LRP1: variants seen among roughly 807,000 people sequenced by gnomAD.
The protein encoded by LRP1 is LDL receptor related protein 1.
LRP1 carries 51 observed loss-of-function variants against 541.5 expected under a neutral mutation model. That is an observed-to-expected ratio of 0.09 (90% CI 0.08 to 0.12). LRP1 has a LOEUF of 0.12. LRP1 is among the 10% of genes least tolerant of loss of function. LRP1 has a pLI of 1.00. For synonymous variants in LRP1, 2,219 were observed against 2,470.8 expected, an observed-to-expected ratio of 0.90 and a Z score of 3.02; for missense variants, 3,878 against 6,376.2, an observed-to-expected ratio of 0.61 and a Z score of 13.34.
intron 1 of LRP1, among the ~76,000 whole-genome samples, chr12:57,134,785 A>C (rs549299396): frequency 2.6e-5 from 4 of 152,104 alleles, no homozygotes; most frequent in African/African-American, 9.6e-5. Context: ...GTTCACTGCA[A>C]GCTCCGCCTC....
At chr12:57,190,521 G>A (rs1174154691) in intron 42 of LRP1, among the ~76,000 whole-genome samples, 1 of 152,202 alleles carries the variant, frequency 6.6e-6, no homozygotes, top group Non-Finnish European at 1.5e-5. Context: ...TCACTTGGCT[G>A]CACCGGCTCT....
At chr12:57,129,123 A>AG in intron 1 of LRP1, 92 bp downstream of exon 1, 4 of 1,335,836 alleles carry the variant, frequency 3.0e-6, no homozygotes, top group Non-Finnish European at 3.1e-6. Context: ...GAGACGCGGG[A>AG]GGGGGTGCCT....
In LRP1 at chr12:57,199,544, G is replaced by A. The variant is rs2036604423; in HGVS notation, c.9865+144G>A. The A allele has an allele frequency of 6.4e-6, 6 of 932,054 alleles. No homozygotes were observed. The South Asian group carries it at 7.4e-5, about 11-fold the overall frequency. The allele number at this position is 932,054 out of a possible 1,614,324, so 57.7% of individuals were successfully genotyped here. ...TCCAGGAGGGTCTAGACAGGGGATG[G>A]TCTGGCTCCCGGGAGCTTCAGCCCG... On this transcript the variant is annotated intron_variant, in intron 61 of 88. Coordinates refer to ENST00000243077, the MANE Select transcript of LRP1 (RefSeq NM_002332.3).
intron 34 of LRP1, among the ~76,000 whole-genome samples, chr12:57,182,182 G>A (rs2036178297): frequency 6.6e-6 from 1 of 152,132 alleles, no homozygotes; most frequent in Non-Finnish European, 1.5e-5. Context: ...GGCAAGGGAG[G>A]ATTCTGAGGT....
At position 57,212,268 on chromosome 12, in the gene LRP1, T is replaced by C. The variant is rs1294688044; in HGVS notation, c.13494+7T>C. Reference sequence around the variant, plus strand: ...TGCCCTGGACCCTGACAAGGTGGGCTGGGAGGCGGGCAGGGTCGAGTGCCA... The same window carrying C: ...TGCCCTGGACCCTGACAAGGTGGGCCGGGAGGCGGGCAGGGTCGAGTGCCA... On this transcript the variant is annotated splice_region_variant and intron_variant, in intron 88 of 88. Coordinates refer to ENST00000243077, the MANE Select transcript of LRP1 (RefSeq NM_002332.3). This position sits in a 1 kb window ranked among gnomAD's most constrained non-coding sequence, Gnocchi z 5.0. 2.5e-6 allele frequency: 4 copies of C among 1,612,562 alleles called. No individual in the cohort carries two copies. Among genetic ancestry groups the C allele is most frequent in the African/African-American group, 1.3e-5 (1 of 74,902 alleles).
At position 57,179,787 on chromosome 12, in the gene LRP1, C is replaced by T. The variant is rs761255914; in HGVS notation, c.4972C>T (p.Pro1658Ser). The T allele has an allele frequency of 5.0e-6, 8 of 1,613,694 alleles. No homozygotes were observed. The highest frequency in any genetic ancestry group is 6.8e-6 in the Non-Finnish European group (8 of 1,179,808). ...CTCCCTACTTGTGCCCCCAGACTTG[C>T]CAAATGCCCACGGGCTGGCTGTGGA... ...GVETVVSADL[P>S]NAHGLAVDWV... Residue 1658 changes from proline to serine, a missense_variant, in exon 30 of 89, where the codon CCA becomes TCA. Coordinates refer to ENST00000243077, the MANE Select transcript of LRP1 (RefSeq NM_002332.3). This position sits in a 1 kb window ranked among gnomAD's most constrained non-coding sequence, Gnocchi z 6.8.
chr12:57,198,307 G>T lies in LRP1; in HGVS notation c.9434G>T (p.Arg3145Leu). 5 of 1,613,878 alleles carry T rather than the reference G, an allele frequency of 3.1e-6. No homozygotes were observed. The highest frequency in any genetic ancestry group is 4.2e-6 in the Non-Finnish European group (5 of 1,179,954). The change falls in exon 59 of 89, where the codon CGT (arginine) becomes CTT (leucine). Residue 3145 changes from arginine to leucine, a missense_variant. Physicochemically the swap from Arg to Leu is moderately radical, Grantham distance 102 (BLOSUM62 -2). This residue lies in a region of LRP1 where 1,100 missense variants were observed against 1,827.4 expected (regional missense o/e 0.60). Transcript: ENST00000243077. ...ACGGTGCTGGTCAGCTCTGGCCTCC[G>T]TGAGCCCAGGGCTCTGGTGGTGGAT... ...YRTVLVSSGL[R>L]EPRALVVDVQ...
At chr12:57,202,356 C>A in intron 67 of LRP1, 65 bp from the exon 68 acceptor site, 1 of 1,278,678 alleles carries the variant, frequency 7.8e-7, no homozygotes, top group Non-Finnish European at 1.1e-6. Context: ...CCTGACCATG[C>A]CTGCTTGGAC....
At chr12:57,169,956 C>T (rs1035660569) in intron 20 of LRP1, among the ~76,000 whole-genome samples, 1 of 152,196 alleles carries the variant, frequency 6.6e-6, no homozygotes, top group African/African-American at 2.4e-5. Context: ...TTTAACACTA[C>T]AGTATTAGTT....
chr12:57,169,362 A>C, intron 20 of LRP1, 55 bp downstream of exon 20: 1 of 1,488,278 alleles, frequency 6.7e-7, no homozygotes. Flanking sequence ...TGCATCAGAC[A>C]CCCAGCCTAT....
rs565160670 is a variant in LRP1 at position 57,197,457 on chromosome 12, G to A, written c.9162+73G>A. ...CACAGCCTCCCTTGCAAGTCTCCCC[G>A]CTTAGGTCCAACCATCCCTCCCCCA... On this transcript the variant is annotated intron_variant, in intron 57 of 88. Transcript: ENST00000243077. This position sits in a 1 kb window ranked among gnomAD's most constrained non-coding sequence, Gnocchi z 4.5. The A allele has an allele frequency of 5.3e-5, 85 of 1,611,210 alleles. No homozygotes were observed. The East Asian group carries it at 9.4e-4, about 18-fold the overall frequency.
At position 57,211,165 on chromosome 12, in the gene LRP1, C is replaced by A; in HGVS notation, c.12917-11C>A. On this transcript the variant is annotated splice_polypyrimidine_tract_variant and intron_variant, in intron 83 of 88. Transcript: ENST00000243077. The surrounding 1 kb of genome is among the most constrained non-coding windows in gnomAD (Gnocchi z 4.3). ...GGGGCTTGAGGCACTTCTCTCCCTC[C>A]CCAACCACAGGGCAGTGCTCTGGCT... The A allele has an allele frequency of 6.2e-7, 1 of 1,613,000 alleles. No individual in the cohort carries two copies. Among genetic ancestry groups the A allele is most frequent in the Non-Finnish European group, 8.5e-7 (1 of 1,179,138 alleles).
At chr12:57,181,086 G>A (rs1032973118) in intron 33 of LRP1, 71 bp from the exon 34 acceptor site, 98 of 1,564,100 alleles carry the variant, frequency 6.3e-5, no homozygotes, top group Non-Finnish European at 8.2e-5. Flanking sequence ...TTTCTGAGCA[G>A]CCCAAGCCTG....
chr12:57,128,655 C>CTGCAGCCGGA lies in LRP1; in HGVS notation c.-310_-309insTGCAGCCGGA, dbSNP rs1455945290. The stretch of plus-strand genomic sequence containing the variant: ...AATTGTGCATTTTTGCAGCCGGAGG[C>CTGCAGCCGGA]GGCTCCGAGATGGGGCTGTGAGCTT... On this transcript the variant is annotated 5_prime_UTR_variant, in exon 1 of 89. Coordinates refer to ENST00000243077, the MANE Select transcript of LRP1 (RefSeq NM_002332.3). 2.4e-6 allele frequency: 1 copy of CTGCAGCCGGA among 409,324 alleles called. No homozygotes were observed. The highest frequency in any genetic ancestry group is 2.0e-5 in the African/African-American group (1 of 48,878). The allele number at this position is 409,324 out of a possible 1,614,324, so 25.4% of individuals were successfully genotyped here.
chr12:57,178,263 G>C lies in LRP1; in HGVS notation c.4362-96G>C. 1.4e-6 allele frequency: 2 copies of C among 1,432,206 alleles called. No homozygotes were observed. Among genetic ancestry groups the C allele is most frequent in the Non-Finnish European group, 1.9e-6 (2 of 1,046,824 alleles). The allele number at this position is 1,432,206 out of a possible 1,614,324, so 88.7% of individuals were successfully genotyped here. On this transcript the variant is annotated intron_variant, in intron 26 of 88. Transcript: ENST00000243077. This position sits in a 1 kb window ranked among gnomAD's most constrained non-coding sequence, Gnocchi z 5.8. ...AATGGTCCCATGCTCTTCGCTGGGAGGGCTGTGGCCAGGGCCCAGAGGGTG... is the reference window on the plus strand; with the variant it reads ...AATGGTCCCATGCTCTTCGCTGGGACGGCTGTGGCCAGGGCCCAGAGGGTG...
In LRP1 at chr12:57,204,578, C is replaced by T. The variant is rs949786973; in HGVS notation, c.11071+49C>T. The T allele has an allele frequency of 1.4e-5, 22 of 1,609,492 alleles. No individual in the cohort carries two copies. The highest frequency in any genetic ancestry group is 1.9e-5 in the Non-Finnish European group (22 of 1,176,698). ...AGGCTTCCCAGTGGCCAGCAACCAC[C>T]CCCACTCCCAAGACTAATTCTGGCT... is the stretch of plus-strand genomic sequence containing the variant. On this transcript the variant is annotated intron_variant, in intron 71 of 88. Transcript: ENST00000243077. This position sits in a 1 kb window ranked among gnomAD's most constrained non-coding sequence, Gnocchi z 5.3.
Position 57,165,753 on chromosome 12 carries a change from G to A in LRP1, c.2531-52G>A. The A allele has an allele frequency of 6.3e-7, 1 of 1,590,864 alleles. No individual in the cohort carries two copies. The highest frequency in any genetic ancestry group is 8.6e-7 in the Non-Finnish European group (1 of 1,160,848). ...AAATGGTGCAAAGGGCTTAGTACTT[G>A]TCCCACGACCGGGGTCTGACTTTCC... On this transcript the variant is annotated intron_variant, in intron 15 of 88. Coordinates refer to ENST00000243077, the MANE Select transcript of LRP1 (RefSeq NM_002332.3). This position sits in a 1 kb window ranked among gnomAD's most constrained non-coding sequence, Gnocchi z 4.5.
rs1431402342 is a variant in LRP1 at position 57,190,799 on chromosome 12, C to T, written c.7032-6C>T. 4 of 1,613,374 alleles carry T rather than the reference C, an allele frequency of 2.5e-6. No individual in the cohort carries two copies. In the South Asian group the frequency reaches 4.4e-5, roughly 18 times the overall value. ...GCCTCCTGATCTCTGGACCCTCTTC[C>T]CCCAGCCTCATGTTCTGGACCAACT... On this transcript the variant is annotated splice_region_variant and splice_polypyrimidine_tract_variant and intron_variant, in intron 42 of 88. Coordinates refer to ENST00000243077, the MANE Select transcript of LRP1 (RefSeq NM_002332.3).
chr12:57,189,630 G>C lies in LRP1; in HGVS notation c.7032-1175G>C, dbSNP rs1490341191. Among the ~76,000 whole-genome samples the C allele has an allele frequency of 6.6e-6, 1 of 152,066 alleles. No individual in the cohort carries two copies. Reference sequence around the variant, plus strand: ...GGGCAAGAAGGGTGTGACCTGGAGAGGTCTGAGGAGACAAGTTCACAGGCC... The same window carrying C: ...GGGCAAGAAGGGTGTGACCTGGAGACGTCTGAGGAGACAAGTTCACAGGCC... On this transcript the variant is annotated intron_variant, in intron 42 of 88. Transcript: ENST00000243077. The surrounding 1 kb of genome is among the most constrained non-coding windows in gnomAD (Gnocchi z 4.4).
Sources: gnomAD v4.1 joint callset for allele counts (sites outside exome capture counted in the v4.1 genomes callset) on GRCh38, gnomAD v4.1.1 for gene constraint, gnomAD v4.1.1 regional missense constraint, Gnocchi (gnomAD v3.1) non-coding constraint, MANE v1.5 for transcripts, NCBI Gene and HGNC (gene_info 2026-07-23, HGNC 2026-07-21) for gene names.